Variants in GTF3C1 observed in about 807,000 individuals in gnomAD.
GTF3C1 encodes the protein general transcription factor IIIC subunit 1.
A neutral mutation model predicts 226.7 loss-of-function variants in GTF3C1; 57 were observed. The ratio of observed to expected loss-of-function variants is 0.25; its 90% CI spans 0.20 to 0.31. GTF3C1 has a LOEUF of 0.31. Ranked by LOEUF, GTF3C1 falls within the 10% of genes least tolerant of loss-of-function variation. GTF3C1 has a pLI of 1.00. For synonymous variants in GTF3C1, 1,090 were observed against 1,084.8 expected (o/e 1.00, Z -0.09); for missense variants, 2,217 against 2,776.1 (o/e 0.80, Z 4.53).
chr16:27,468,123 C>T (rs573192756), intron 32 of GTF3C1, among the ~76,000 whole-genome samples: 11 of 152,158 alleles, frequency 7.2e-5, no homozygotes, highest in African/African-American at 2.6e-4. Context: ...ACTGCAGATG[C>T]CTTGGAAATA....
At chr16:27,528,296 A>G (rs560080904) in intron 6 of GTF3C1, among the ~76,000 whole-genome samples, 5 of 152,234 alleles carry the variant, frequency 3.3e-5, no homozygotes, top group African/African-American at 1.2e-4. Context: ...AAAGAAAAAG[A>G]AGGAGACTAG....
chr16:27,501,789 C>A (rs2088408391), intron 11 of GTF3C1, among the ~76,000 whole-genome samples: 1 of 152,218 alleles, frequency 6.6e-6, no homozygotes. Flanking sequence ...CTATGGTGAT[C>A]TTTCCAGATC....
At position 27,463,884 on chromosome 16, in the gene GTF3C1, A is replaced by C. The variant is rs1029787417; in HGVS notation, c.5873-292T>G. 67 of 416,380 alleles carry C rather than the reference A, an allele frequency of 1.6e-4. No individual in the cohort carries two copies. The highest frequency in any genetic ancestry group is 1.4e-3 in the African/African-American group (64 of 47,300). 25.8% of individuals were successfully genotyped at this position (416,380 alleles called of 1,614,324 possible). On this transcript the variant is annotated intron_variant, in intron 34 of 36. Coordinates refer to ENST00000356183, the MANE Select transcript of GTF3C1 (RefSeq NM_001520.4). This position sits in a 1 kb window ranked among gnomAD's most constrained non-coding sequence, Gnocchi z 4.9. ...TTTCCACCCAGAAGCCCCGACCACA[A>C]GGGTGGTATAAAACCCGAGGCAAAA... is the stretch of plus-strand genomic sequence containing the variant.
At chr16:27,511,686 A>C in intron 7 of GTF3C1, 63 bp downstream of exon 7, 8 of 1,532,396 alleles carry the variant, frequency 5.2e-6, no homozygotes, top group Non-Finnish European at 7.2e-6. Context: ...ACATGTGGGC[A>C]AAGCGCTTCT....
intron 1 of GTF3C1, among the ~76,000 whole-genome samples, chr16:27,546,051 T>C (rs914863186): frequency 6.6e-5 from 10 of 152,158 alleles, no homozygotes; most frequent in African/African-American, 1.9e-4. Context: ...GTTCACCATG[T>C]TGGTCAGGGT....
intron 6 of GTF3C1, among the ~76,000 whole-genome samples, chr16:27,515,517 G>A (rs1039395751): frequency 3.3e-5 from 5 of 151,242 alleles, no homozygotes; most frequent in African/African-American, 9.7e-5. Context: ...TTGGTTCACC[G>A]TCCTCACCTC....
chr16:27,511,935 G>C (rs559823904), intron 6 of GTF3C1, 34 bp from the exon 7 acceptor site: 1 of 1,611,516 alleles, frequency 6.2e-7, no homozygotes, highest in African/African-American at 1.3e-5. Context: ...CCAGCAATGA[G>C]TGAAAGCAGT....
In GTF3C1 at chr16:27,549,770, G is replaced by C. The variant is rs1369226626; in HGVS notation, c.121C>G (p.Pro41Ala). The C allele has an allele frequency of 7.4e-6, 12 of 1,612,782 alleles. No homozygotes were observed. Among genetic ancestry groups the C allele is most frequent in the Non-Finnish European group, 9.3e-6 (11 of 1,179,832 alleles). Residue 41 changes from proline to alanine, a missense_variant, in exon 1 of 37, where the codon CCC (proline) becomes GCC (alanine). Transcript: ENST00000356183. The stretch of plus-strand genomic sequence containing the variant: ...CGCCAGAGAAACTCCTGCGTGCAGG[G>C]TTCCAAAGGCAGCGGGAAGGGCGGC... The part of the protein sequence containing the change: ...RVPPFPLPLE[P>A]CTQEFLWRAL...
Position 27,498,724 on chromosome 16 carries a change from C to A in GTF3C1, c.2071G>T (p.Val691Leu). 2 of 1,550,042 alleles carry A rather than the reference C, an allele frequency of 1.3e-6. No individual in the cohort carries two copies. Among genetic ancestry groups the A allele is most frequent in the Non-Finnish European group, 1.8e-6 (2 of 1,121,508 alleles). The change falls in exon 13 of 37, where the codon GTG becomes TTG. Residue 691 changes from valine (V) to leucine (L), a missense_variant. By Grantham distance (32) the Val-to-Leu change is conservative (BLOSUM62 1). Around this residue, in one of 12 missense-constraint regions of GTF3C1, gnomAD observed 52 missense variants for 110.8 expected, o/e 0.47. Transcript: ENST00000356183. ...TTCTGGTCCATGGACGGGTGCACCA[C>A]CAGATCCACCTGGAGAGAGAGGTTG... ...QDGIKKKVDL[V>L]VHPSMDQNDP...
At chr16:27,464,291 G>A in intron 34 of GTF3C1, 29 bp downstream of exon 34, 1 of 1,410,782 alleles carries the variant, frequency 7.1e-7, no homozygotes, top group Non-Finnish European at 9.3e-7. Context: ...GGTGGGGTGA[G>A]GTGGGGTGGG....
intron 6 of GTF3C1, among the ~76,000 whole-genome samples, chr16:27,524,831 T>G (rs2088805351): frequency 6.6e-6 from 1 of 152,232 alleles, no homozygotes; most frequent in African/African-American, 2.4e-5. Flanking sequence ...CCATGAGTAT[T>G]TAGGTATTCA....
rs8061750 is a variant in GTF3C1, at chr16:27,505,443, A to G, written c.1770+456T>C. Among the ~76,000 whole-genome samples, 1,023 of 152,268 alleles carry G rather than the reference A, an allele frequency of 6.7e-3. 14 individuals carry two copies. The highest frequency in any genetic ancestry group is 0.023 in the African/African-American group (970 of 41,550). On this transcript the variant is annotated intron_variant, in intron 10 of 36. Coordinates refer to ENST00000356183, the MANE Select transcript of GTF3C1 (RefSeq NM_001520.4). ...TTTAACAGCATTCTAACCTCTCCCT[A>G]TTGGATGCCAGTAGCAGCCCCTCCC...
At chr16:27,520,751 G>A (rs910536810) in intron 6 of GTF3C1, among the ~76,000 whole-genome samples, 13 of 152,076 alleles carry the variant, frequency 8.5e-5, no homozygotes, top group African/African-American at 2.4e-5. Flanking sequence ...ATGGAGTTTT[G>A]CTCTGTCGCC....
chr16:27,488,194 A>G, intron 23 of GTF3C1, 33 bp downstream of exon 23: 1 of 1,579,198 alleles, frequency 6.3e-7, no homozygotes, highest in Non-Finnish European at 8.7e-7. Context: ...AACAAAGACA[A>G]GGCCCAGTAA....
At chr16:27,520,684 T>A (rs2088732183) in intron 6 of GTF3C1, among the ~76,000 whole-genome samples, 2 of 152,192 alleles carry the variant, frequency 1.3e-5, no homozygotes, top group Non-Finnish European at 2.9e-5. Flanking sequence ...CCTTAAACCC[T>A]TGGGCTGAGT....
intron 5 of GTF3C1, among the ~76,000 whole-genome samples, chr16:27,532,714 A>C (rs1190241925): frequency 1.3e-5 from 2 of 152,250 alleles, no homozygotes; most frequent in Non-Finnish European, 2.9e-5. Flanking sequence ...TGATTACAGA[A>C]GTAAACCTAA....
rs1392649864 is a variant in GTF3C1, at chr16:27,486,278, C to T, written c.3701-124G>A. On this transcript the variant is annotated intron_variant, in intron 23 of 36. Coordinates refer to ENST00000356183, the MANE Select transcript of GTF3C1 (RefSeq NM_001520.4). ...GACTAATGGTATTGGTTAGCAGATA[C>T]TCATTGTATCTAAAGTCACATAAAC... 8.7e-6 allele frequency: 5 copies of T among 573,546 alleles called. No individual in the cohort carries two copies. In the East Asian group the frequency reaches 1.2e-4, roughly 14 times the overall value. The allele number at this position is 573,546 out of a possible 1,614,324, so 35.5% of individuals were successfully genotyped here.
chr16:27,462,511 G>A lies in GTF3C1; in HGVS notation c.5925-25C>T, dbSNP rs756308396. Reference sequence around the variant, plus strand: ...CCTGCAGGGAGAGGGCTTGACATCAGGGCTTGGTGGGGGCAGGAGGGCAGC... The same window carrying A: ...CCTGCAGGGAGAGGGCTTGACATCAAGGCTTGGTGGGGGCAGGAGGGCAGC... On this transcript the variant is annotated intron_variant, in intron 35 of 36. Transcript: ENST00000356183. The surrounding 1 kb of genome is among the most constrained non-coding windows in gnomAD (Gnocchi z 4.5). 1.5e-5 allele frequency: 23 copies of A among 1,582,230 alleles called. No homozygotes were observed. In the African/African-American group the frequency reaches 2.7e-4, roughly 18 times the overall value.
intron 1 of GTF3C1, 79 bp from the exon 2 acceptor site, chr16:27,545,602 C>T (rs535159348): frequency 2.7e-5 from 22 of 805,742 alleles, no homozygotes; most frequent in Non-Finnish European, 4.3e-5. Flanking sequence ...TTTTGACAAC[C>T]TCCAGCAGAG....
Sources: allele counts gnomAD v4.1 joint callset (sites outside exome capture counted in the v4.1 genomes callset), GRCh38; gene constraint gnomAD v4.1.1; regional missense constraint gnomAD v4.1.1; non-coding constraint Gnocchi (gnomAD v3.1); transcripts MANE v1.5; gene names NCBI Gene and HGNC (gene_info 2026-07-23, HGNC 2026-07-21).